ULK4: variants seen among roughly 807,000 people sequenced by gnomAD.
ULK4 encodes the protein inactive serine/threonine-protein kinase ULK4.
Under a neutral mutation model 160.6 loss-of-function variants are expected in ULK4, and 133 were observed. The observed-to-expected ratio is 0.83, with a 90% CI of 0.72 to 0.96. The LOEUF is 0.96. ULK4 is among the 40% of genes least tolerant of loss of function. The pLI, the probability that ULK4 is intolerant of heterozygous loss-of-function variation, is 0.00. For synonymous variants in ULK4, 534 were observed against 539.8 expected, an observed-to-expected ratio of 0.99 and a Z score of 0.15; for missense variants, 1,580 against 1,499.5, an observed-to-expected ratio of 1.05 and a Z score of -0.89.
chr3:41,650,230 A>C (rs577015544), intron 30 of ULK4, among the ~76,000 whole-genome samples: 20 of 152,300 alleles, frequency 1.3e-4, no homozygotes, highest in African/African-American at 4.3e-4. Context: ...TTCTTCCTGG[A>C]TGCAGCACAA....
At chr3:41,742,130 C>CATGG (rs980817306) in intron 22 of ULK4, among the ~76,000 whole-genome samples, 1 of 150,950 alleles carries the variant, frequency 6.6e-6, no homozygotes, top group African/African-American at 2.5e-5. Context: ...TTAGTGGGAC[C>CATGG]ATGGGAATTT....
At chr3:41,515,309 CAG>C (rs975735611) in intron 32 of ULK4, among the ~76,000 whole-genome samples, 4 of 151,462 alleles carry the variant, frequency 2.6e-5, no homozygotes, top group Non-Finnish European at 1.5e-5. Context: ...CTGATATAAA[CAG>C]ATATAGATAG....
intron 6 of ULK4, among the ~76,000 whole-genome samples, chr3:41,918,895 C>T (rs928984298): frequency 6.6e-6 from 1 of 152,152 alleles, no homozygotes; most frequent in Admixed American, 6.5e-5. Context: ...GCCACCACAC[C>T]TGGCCTTGCT....
chr3:41,538,696 C>T (rs2086595072), intron 32 of ULK4, among the ~76,000 whole-genome samples: 1 of 152,114 alleles, frequency 6.6e-6, no homozygotes, highest in African/African-American at 2.4e-5. Flanking sequence ...AACACTTCAG[C>T]CCACCACAAA....
intron 18 of ULK4, among the ~76,000 whole-genome samples, chr3:41,825,080 C>G (rs1206215493): frequency 6.6e-6 from 1 of 152,216 alleles, no homozygotes; most frequent in Non-Finnish European, 1.5e-5. Flanking sequence ...CCAGCAAACT[C>G]CAACAGACCT....
Position 41,715,450 on chromosome 3 carries a change from T to C in ULK4, c.2574A>G (p.Ser858=). ...TTCCTCCTCAATACAATAGTACCTGTGAAGTTACGAGGTGAAGCACTACAG... is the reference window on the plus strand; with the variant it reads ...TTCCTCCTCAATACAATAGTACCTGCGAAGTTACGAGGTGAAGCACTACAG... ...LMPVVLHLVT[S]QVFRPQVVTE... Residue 858 remains serine (S), a synonymous_variant, in exon 24 of 37, where the codon TCA becomes TCG. Transcript: ENST00000301831. 6.2e-7 allele frequency: 1 copy of C among 1,614,154 alleles called. No individual in the cohort carries two copies. Among genetic ancestry groups the C allele is most frequent in the Non-Finnish European group, 8.5e-7 (1 of 1,180,020 alleles).
At chr3:41,353,590 C>T (rs560191515) in intron 35 of ULK4, among the ~76,000 whole-genome samples, 1 of 151,934 alleles carries the variant, frequency 6.6e-6, no homozygotes, top group South Asian at 2.1e-4. Flanking sequence ...ATCACCTGAG[C>T]CCAGGAGTTC....
intron 16 of ULK4, among the ~76,000 whole-genome samples, chr3:41,885,857 T>C (rs765499686): frequency 1.3e-5 from 2 of 152,210 alleles, no homozygotes; most frequent in Non-Finnish European, 2.9e-5. Flanking sequence ...TTTGTATTTT[T>C]AGTAGAAATG....
chr3:41,273,843 T>C (rs924097293), intron 35 of ULK4, among the ~76,000 whole-genome samples: 1 of 147,568 alleles, frequency 6.8e-6, no homozygotes, highest in Non-Finnish European at 1.5e-5. Context: ...AGTGGGTTGT[T>C]ATAAAGCCCC....
intron 30 of ULK4, among the ~76,000 whole-genome samples, chr3:41,635,773 A>T (rs568572466): frequency 1.3e-5 from 2 of 152,200 alleles, no homozygotes; most frequent in Non-Finnish European, 2.9e-5. Flanking sequence ...ACAGTAAGTA[A>T]TTGATCTGAG....
At chr3:41,838,537 TA>T (rs1175581782) in intron 17 of ULK4, among the ~76,000 whole-genome samples, 2 of 149,504 alleles carry the variant, frequency 1.3e-5, no homozygotes, top group Non-Finnish European at 3.0e-5. Context: ...AATGGAGTGG[TA>T]AAAAAAAATG....
intron 32 of ULK4, among the ~76,000 whole-genome samples, chr3:41,501,843 C>T (rs1278030658): frequency 6.6e-6 from 1 of 152,180 alleles, no homozygotes; most frequent in Non-Finnish European, 1.5e-5. Context: ...CCCCTCCCCA[C>T]TCCAAACCCT....
At position 41,305,592 on chromosome 3, in the gene ULK4, T is replaced by C. The variant is rs1370859446; in HGVS notation, c.3679-56018A>G. Among the ~76,000 whole-genome samples the C allele has an allele frequency of 2.6e-5, 4 of 152,148 alleles. No homozygotes were observed. In the East Asian group the frequency reaches 5.8e-4, roughly 22 times the overall value. Reference sequence around the variant, plus strand: ...CTACAACGTCCACCTCCCAGCCGCCTGCCTTGGCCTCCCAAAGTGCCGAGA... The same window carrying C: ...CTACAACGTCCACCTCCCAGCCGCCCGCCTTGGCCTCCCAAAGTGCCGAGA... On this transcript the variant is annotated intron_variant, in intron 35 of 36. Coordinates refer to ENST00000301831, the MANE Select transcript of ULK4 (RefSeq NM_017886.4).
chr3:41,889,543 A>T (rs1479458280), intron 16 of ULK4, among the ~76,000 whole-genome samples: 1 of 152,116 alleles, frequency 6.6e-6, no homozygotes, highest in Non-Finnish European at 1.5e-5. Context: ...TTCAGGGTGG[A>T]GGGTGGGAGG....
chr3:41,883,822 C>G, intron 17 of ULK4, 52 bp downstream of exon 17: 1 of 1,473,702 alleles, frequency 6.8e-7, no homozygotes, highest in South Asian at 1.1e-5. Flanking sequence ...ATTACAGAAT[C>G]AAGAACAGTA....
chr3:41,537,146 C>T (rs1390476515), intron 32 of ULK4, among the ~76,000 whole-genome samples: 1 of 152,086 alleles, frequency 6.6e-6, no homozygotes, highest in East Asian at 1.9e-4. Context: ...CTATTAGCTC[C>T]TGAATCTGTC....
At chr3:41,397,641 C>T (rs1450125259) in intron 35 of ULK4, among the ~76,000 whole-genome samples, 1 of 152,046 alleles carries the variant, frequency 6.6e-6, no homozygotes, top group Non-Finnish European at 1.5e-5. Flanking sequence ...CACATGTCTA[C>T]CAAAATACAT....
intron 34 of ULK4, among the ~76,000 whole-genome samples, chr3:41,399,082 C>T (rs1309134155): frequency 6.6e-6 from 1 of 152,140 alleles, no homozygotes; most frequent in Non-Finnish European, 1.5e-5. Flanking sequence ...CTATATTTAA[C>T]CTTTTGAAGA....
chr3:41,660,517 A>G (rs763894356), intron 30 of ULK4, among the ~76,000 whole-genome samples: 2 of 152,208 alleles, frequency 1.3e-5, no homozygotes, highest in Non-Finnish European at 2.9e-5. Flanking sequence ...CTTAAAATGC[A>G]TTCTTAAAAA....
Sources: gnomAD v4.1 joint callset for allele counts (sites outside exome capture counted in the v4.1 genomes callset) on GRCh38, gnomAD v4.1.1 for gene constraint, MANE v1.5 for transcripts, NCBI Gene and HGNC (gene_info 2026-07-23, HGNC 2026-07-21) for gene names.